Variants in RPS6KC1 observed in about 807,000 individuals in gnomAD.
The protein encoded by RPS6KC1 is ribosomal protein S6 kinase C1.
A neutral mutation model predicts 103.8 loss-of-function variants in RPS6KC1; 54 were observed. The ratio of observed to expected loss-of-function variants is 0.52; its 90% CI spans 0.42 to 0.65. The LOEUF (loss-of-function observed/expected upper bound fraction) is 0.65, where lower values mean the gene tolerates loss of function less well. Among genes scored for constraint, RPS6KC1 ranks in the 30% least tolerant of loss-of-function variants. The pLI is 0.00. For synonymous variants in RPS6KC1, 439 were observed against 438.7 expected (o/e 1.00, Z -0.01); for missense variants, 1,151 against 1,253.8 (o/e 0.92, Z 1.24).
At chr1:213,126,514 G>T (rs1190698265) in intron 5 of RPS6KC1, among the ~76,000 whole-genome samples, 1 of 152,076 alleles carries the variant, frequency 6.6e-6, no homozygotes, top group African/African-American at 2.4e-5. Context: ...GAGCTTAGTG[G>T]CCAGTAACAT....
chr1:213,502,092 G>A, the RPS6KC1 span, among the ~76,000 whole-genome samples: 6 of 152,180 alleles, frequency 3.9e-5, no homozygotes, highest in Admixed American at 3.9e-4. Flanking sequence ...TAAGAGGCAT[G>A]CTAGTTGAGT....
chr1:213,265,726 A>C (rs1573710927), intron 14 of RPS6KC1, among the ~76,000 whole-genome samples: 1 of 152,224 alleles, frequency 6.6e-6, no homozygotes, highest in Non-Finnish European at 1.5e-5. Flanking sequence ...TGCTAGAAAT[A>C]ATTTCAGGTA....
the RPS6KC1 span, among the ~76,000 whole-genome samples, chr1:213,796,578 CT>C: frequency 1.3e-5 from 2 of 152,136 alleles, no homozygotes; most frequent in African/African-American, 4.8e-5. Context: ...TCATGTTCAC[CT>C]TTTGGCCCCA....
chr1:213,786,232 T>C, the RPS6KC1 span, among the ~76,000 whole-genome samples: 1 of 152,158 alleles, frequency 6.6e-6, no homozygotes, highest in African/African-American at 2.4e-5. Context: ...TCTTGAGGTA[T>C]AAAAAGATTT....
At chr1:213,689,490 T>A in the RPS6KC1 span, among the ~76,000 whole-genome samples, 1 of 152,198 alleles carries the variant, frequency 6.6e-6, no homozygotes, top group African/African-American at 2.4e-5. Context: ...ATTTTCTGCC[T>A]CTTAGGTGTT....
At chr1:213,440,793 T>C in the RPS6KC1 span, among the ~76,000 whole-genome samples, 1 of 152,108 alleles carries the variant, frequency 6.6e-6, no homozygotes, top group East Asian at 1.9e-4. Context: ...TGGCTACATT[T>C]ACCTAGATCT....
the RPS6KC1 span, among the ~76,000 whole-genome samples, chr1:213,460,804 T>A: frequency 6.6e-6 from 1 of 152,106 alleles, no homozygotes; most frequent in Admixed American, 6.6e-5. Context: ...AATCTCTCAG[T>A]ATTTGCTTGT....
At chr1:213,294,579 A>G in the RPS6KC1 span, among the ~76,000 whole-genome samples, 1 of 152,124 alleles carries the variant, frequency 6.6e-6, no homozygotes, top group Non-Finnish European at 1.5e-5. Flanking sequence ...ACTGTGGGAC[A>G]ACACCTATTA....
chr1:213,798,514 G>T, the RPS6KC1 span, among the ~76,000 whole-genome samples: 1 of 152,206 alleles, frequency 6.6e-6, no homozygotes, highest in Non-Finnish European at 1.5e-5. Flanking sequence ...ATACCTGGGA[G>T]TTCTAGAGCT....
At chr1:213,109,994 A>G (rs58964741) in intron 4 of RPS6KC1, among the ~76,000 whole-genome samples, 2,216 of 152,276 alleles carry the variant, frequency 0.015, 49 homozygotes, top group African/African-American at 0.05. Flanking sequence ...TTGCTTATCC[A>G]TTCATTAGTT....
intron 12 of RPS6KC1, among the ~76,000 whole-genome samples, chr1:213,252,816 G>A (rs1171010486): frequency 6.6e-6 from 1 of 151,960 alleles, no homozygotes; most frequent in Non-Finnish European, 1.5e-5. Context: ...GGATCTTGTG[G>A]CCTTAAAATT....
At chr1:213,361,034 G>A in the RPS6KC1 span, among the ~76,000 whole-genome samples, 39 of 152,326 alleles carry the variant, frequency 2.6e-4, no homozygotes, top group Admixed American at 8.5e-4. Context: ...CAGTCTGTCC[G>A]TTCTCAGATC....
intron 1 of RPS6KC1, among the ~76,000 whole-genome samples, chr1:213,061,591 G>GT (rs35327007): frequency 0.47 from 67,169 of 144,314 alleles, 18,532 homozygotes; most frequent in Non-Finnish European, 0.62. Flanking sequence ...AGACTTGGGT[G>GT]TTTTTTTTTT....
At chr1:213,584,774 A>G in the RPS6KC1 span, among the ~76,000 whole-genome samples, 1 of 152,328 alleles carries the variant, frequency 6.6e-6, no homozygotes, top group African/African-American at 2.4e-5. Context: ...TGTTTTATGC[A>G]TAAGAATCTT....
chr1:213,160,942 A>G (rs938111151), intron 6 of RPS6KC1, among the ~76,000 whole-genome samples: 2 of 152,166 alleles, frequency 1.3e-5, no homozygotes, highest in Non-Finnish European at 1.5e-5. Context: ...GCACATGTAT[A>G]CATATGTAAC....
the RPS6KC1 span, among the ~76,000 whole-genome samples, chr1:213,799,139 G>A: frequency 4.3e-4 from 66 of 152,244 alleles, 1 homozygote; most frequent in East Asian, 7.7e-3. Context: ...CCTTCTGTCC[G>A]CCCTCCTGTC....
the RPS6KC1 span, among the ~76,000 whole-genome samples, chr1:213,350,611 G>A: frequency 6.6e-6 from 1 of 152,114 alleles, no homozygotes; most frequent in East Asian, 1.9e-4. Context: ...CCAGGATAGG[G>A]CAGCTGAATT....
the RPS6KC1 span, among the ~76,000 whole-genome samples, chr1:213,726,492 GTGT>G: frequency 3.9e-5 from 6 of 152,214 alleles, no homozygotes; most frequent in African/African-American, 1.4e-4. Flanking sequence ...TTTCCTGATG[GTGT>G]TGTTGGCTTT....
At chr1:213,109,253 C>T (rs1346384783) in intron 4 of RPS6KC1, among the ~76,000 whole-genome samples, 1 of 152,156 alleles carries the variant, frequency 6.6e-6, no homozygotes, top group Non-Finnish European at 1.5e-5. Context: ...TCTCCTGCTT[C>T]AGCCTCCTGG....
Sources: allele counts gnomAD v4.1 joint callset (sites outside exome capture counted in the v4.1 genomes callset), GRCh38; gene constraint gnomAD v4.1.1; transcripts MANE v1.5; gene names NCBI Gene and HGNC (gene_info 2026-07-23, HGNC 2026-07-21).